Variants in CCSER1 observed in about 807,000 individuals in gnomAD.
CCSER1 encodes the protein serine-rich coiled-coil domain-containing protein 1.
A neutral mutation model predicts 82.0 loss-of-function variants in CCSER1; 41 were observed. The observed-to-expected ratio is 0.50, with a 90% CI of 0.39 to 0.65. CCSER1 has a LOEUF of 0.65. Ranked by LOEUF, CCSER1 falls within the 30% of genes least tolerant of loss-of-function variation. The probability of loss-of-function intolerance (pLI) is 0.00; values close to 1 mark genes in which losing one functional copy is unlikely to be tolerated. For synonymous variants in CCSER1, 414 were observed against 383.9 expected (o/e 1.08, Z -0.92); for missense variants, 1,119 against 1,064.2 (o/e 1.05, Z -0.72).
intron 1 of CCSER1, among the ~76,000 whole-genome samples, chr4:90,205,294 G>C (rs1401611011): frequency 6.6e-6 from 1 of 152,146 alleles, no homozygotes; most frequent in East Asian, 1.9e-4. Flanking sequence ...AATGCCTCCA[G>C]CTTTTGCCCA....
chr4:91,169,201 TAAAAA>T (rs57715555), intron 10 of CCSER1, among the ~76,000 whole-genome samples: 1 of 122,992 alleles, frequency 8.1e-6, no homozygotes, highest in Non-Finnish European at 1.7e-5. Context: ...CAATAAATAC[TAAAAA>T]AAAAAAAAAA....
chr4:90,266,473 G>A (rs1725247423), intron 1 of CCSER1, among the ~76,000 whole-genome samples: 1 of 150,412 alleles, frequency 6.6e-6, no homozygotes, highest in Non-Finnish European at 1.5e-5. Context: ...CCACTGACTT[G>A]TCTACACAAA....
chr4:91,151,917 G>A (rs189413434), intron 10 of CCSER1, among the ~76,000 whole-genome samples: 44 of 152,346 alleles, frequency 2.9e-4, no homozygotes, highest in African/African-American at 7.7e-4. Context: ...TTTGGAATAA[G>A]TGTGATGTGG....
Position 90,717,755 on chromosome 4 carries a change from T to C in CCSER1, c.1933-6159T>C, listed in dbSNP as rs536564904. On this transcript the variant is annotated intron_variant, in intron 6 of 10. Transcript: ENST00000509176. ...ATATATATATACACATATATATATATACACACATATATAGTGTATATATAT... is the reference window on the plus strand; with the variant it reads ...ATATATATATACACATATATATATACACACACATATATAGTGTATATATAT... 1.3e-3 allele frequency among the ~76,000 whole-genome samples: 181 copies of C among 140,628 alleles called. 1 individual carries two copies. The highest frequency in any genetic ancestry group is 2.8e-3 in the African/African-American group (106 of 37,732). The allele number at this position is 140,628 out of a possible 152,430, so 92.3% of individuals were successfully genotyped here. A position where few individuals can be genotyped will look rare whatever the true frequency, so the allele number is the denominator to read the frequency against.
chr4:91,466,843 G>T (rs1347522152), intron 10 of CCSER1, among the ~76,000 whole-genome samples: 1 of 151,944 alleles, frequency 6.6e-6, no homozygotes, highest in Non-Finnish European at 1.5e-5. Context: ...CACTGCTCAA[G>T]GAAATAAAAG....
At chr4:90,449,548 A>T (rs545709100) in intron 4 of CCSER1, among the ~76,000 whole-genome samples, 1 of 152,190 alleles carries the variant, frequency 6.6e-6, no homozygotes, top group Admixed American at 6.5e-5. Flanking sequence ...GAGTGCCTGC[A>T]GGCTCGTGTG....
intron 9 of CCSER1, among the ~76,000 whole-genome samples, chr4:91,008,879 A>G (rs996243365): frequency 6.6e-6 from 1 of 152,146 alleles, no homozygotes; most frequent in Non-Finnish European, 1.5e-5. Flanking sequence ...AAGGAATGGA[A>G]TCTTGGGCCA....
intron 10 of CCSER1, among the ~76,000 whole-genome samples, chr4:91,316,520 G>A (rs1001251258): frequency 6.6e-6 from 1 of 151,982 alleles, no homozygotes; most frequent in Non-Finnish European, 1.5e-5. Flanking sequence ...TGATTGTAAA[G>A]TAGGATATAC....
intron 10 of CCSER1, among the ~76,000 whole-genome samples, chr4:91,370,635 G>A (rs568131281): frequency 2.0e-5 from 3 of 152,022 alleles, no homozygotes; most frequent in Admixed American, 6.6e-5. Flanking sequence ...GGCCGAGGTT[G>A]CAGTGAGCCG....
chr4:90,329,738 A>G (rs948913769), intron 3 of CCSER1, among the ~76,000 whole-genome samples: 4 of 152,152 alleles, frequency 2.6e-5, no homozygotes, highest in Non-Finnish European at 5.9e-5. Flanking sequence ...TTTATGTTAT[A>G]CTTTAGTTAG....
chr4:90,647,643 ATAG>A (rs1430357851), intron 6 of CCSER1, among the ~76,000 whole-genome samples: 2 of 152,336 alleles, frequency 1.3e-5, no homozygotes, highest in East Asian at 1.9e-4. Context: ...AATTAAAAAA[ATAG>A]TAGTGTACTC....
intron 1 of CCSER1, among the ~76,000 whole-genome samples, chr4:90,230,654 A>T (rs1187417066): frequency 1.5e-4 from 23 of 149,690 alleles, no homozygotes; most frequent in Non-Finnish European, 2.8e-4. Context: ...AGACACAAAA[A>T]ACCCTTCAAA....
chr4:90,519,926 A>T (rs1288023373), intron 5 of CCSER1, among the ~76,000 whole-genome samples: 2 of 152,080 alleles, frequency 1.3e-5, no homozygotes. Context: ...TGAAGTGAAA[A>T]CTACATTGAT....
At chr4:90,871,882 C>T (rs1388697036) in intron 8 of CCSER1, among the ~76,000 whole-genome samples, 1 of 151,568 alleles carries the variant, frequency 6.6e-6, no homozygotes, top group African/African-American at 2.4e-5. Context: ...TGTTAATATC[C>T]TCATGCTGTA....
intron 1 of CCSER1, among the ~76,000 whole-genome samples, chr4:90,226,798 C>G (rs1743249401): frequency 6.6e-6 from 1 of 152,128 alleles, no homozygotes; most frequent in Admixed American, 6.5e-5. Context: ...GGTCTTGGCT[C>G]CCAAACCTTT....
chr4:90,324,523 T>C (rs1737776988), intron 3 of CCSER1, among the ~76,000 whole-genome samples: 2 of 150,974 alleles, frequency 1.3e-5, no homozygotes, highest in South Asian at 2.1e-4. Context: ...GGTTGTTTGT[T>C]TTTTTCTTGT....
chr4:91,516,357 C>T (rs1456985272), intron 10 of CCSER1, among the ~76,000 whole-genome samples: 2 of 152,000 alleles, frequency 1.3e-5, no homozygotes, highest in Non-Finnish European at 2.9e-5. Context: ...CATTCAAGTT[C>T]TTAATTCATC....
At chr4:90,812,634 C>A (rs894253659) in intron 7 of CCSER1, among the ~76,000 whole-genome samples, 7 of 152,032 alleles carry the variant, frequency 4.6e-5, no homozygotes, top group Admixed American at 4.6e-4. Flanking sequence ...CATTTTCACA[C>A]CACTATAAAG....
At chr4:91,043,785 G>A (rs1298632214) in intron 9 of CCSER1, among the ~76,000 whole-genome samples, 1 of 151,874 alleles carries the variant, frequency 6.6e-6, no homozygotes, top group African/African-American at 2.4e-5. Flanking sequence ...ACGGGGTTTT[G>A]CCCTGTTGGC....
Sources: allele counts gnomAD v4.1 joint callset (sites outside exome capture counted in the v4.1 genomes callset), GRCh38; gene constraint gnomAD v4.1.1; transcripts MANE v1.5; gene names NCBI Gene and HGNC (gene_info 2026-07-23, HGNC 2026-07-21).